The following ALDH3B2 variants were observed in gnomAD, a reference collection of about 807,000 sequenced individuals.
ALDH3B2 encodes aldehyde dehydrogenase family 3 member B2.
A neutral mutation model predicts 36.7 loss-of-function variants in ALDH3B2; 45 were observed. That is an observed-to-expected ratio of 1.23 (90% CI 0.97 to 1.57). The LOEUF (loss-of-function observed/expected upper bound fraction) is 1.57, where lower values mean the gene tolerates loss of function less well. ALDH3B2 is among the 40% of genes most tolerant of loss of function. The pLI is 0.00. For synonymous variants in ALDH3B2, 217 were observed against 226.5 expected, an observed-to-expected ratio of 0.96 and a Z score of 0.38; for missense variants, 464 against 513.3, an observed-to-expected ratio of 0.90 and a Z score of 0.93.
At chr11:67,678,478 A>C (rs1300415517), upstream of ALDH3B2, among the ~76,000 whole-genome samples, 1 of 152,182 alleles carries the variant, frequency 6.6e-6, no homozygotes, top group East Asian at 1.9e-4. Flanking sequence ...CTCAGGATGG[A>C]TTAAGGACTT....
intron 6 of ALDH3B2, 38 bp from the exon 7 acceptor site, chr11:67,665,709 C>G: frequency 6.4e-7 from 1 of 1,574,470 alleles, no homozygotes; most frequent in Non-Finnish European, 8.6e-7. Context: ...CAGTCAGTGA[C>G]CTGGACCAGG....
chr11:67,663,822 G>C, intron 8 of ALDH3B2, 61 bp from the exon 9 acceptor site: 1 of 1,438,650 alleles, frequency 7.0e-7, no homozygotes, highest in Non-Finnish European at 9.6e-7. Context: ...CTTGAGCCCC[G>C]CACATTCCAC....
chr11:67,665,326 A>G (rs1411340679), exon 7 of ALDH3B2: 3 of 1,611,424 alleles, frequency 1.9e-6, no homozygotes, highest in Non-Finnish European at 1.7e-6. Context: ...CCCAATGGCC[A>G]CGCGGCTGCA....
intron 1 of ALDH3B2, among the ~76,000 whole-genome samples, chr11:67,670,369 G>C (rs889651664): frequency 6.6e-6 from 1 of 152,048 alleles, no homozygotes; most frequent in Admixed American, 6.6e-5. Flanking sequence ...TGTGTCGTGT[G>C]TGTGTCTGCG....
chr11:67,663,758 C>T (rs535400854), exon 9 of ALDH3B2: 76 of 1,610,670 alleles, frequency 4.7e-5, no homozygotes, highest in Admixed American at 2.8e-4. Flanking sequence ...ATCTGGTTCA[C>T]AACCTGCCAG....
chr11:67,670,826 G>T (rs1438818790), intron 1 of ALDH3B2, among the ~76,000 whole-genome samples: 1 of 152,218 alleles, frequency 6.6e-6, no homozygotes, highest in Non-Finnish European at 1.5e-5. Context: ...ATGAGGGCCT[G>T]GAGGAGGACG....
upstream of ALDH3B2, among the ~76,000 whole-genome samples, chr11:67,677,385 A>C (rs1007064524): frequency 1.1e-4 from 17 of 152,330 alleles, no homozygotes; most frequent in Admixed American, 1.1e-3. Flanking sequence ...CAGAAAAAGC[A>C]TTTGACAAAA....
intron 1 of ALDH3B2, among the ~76,000 whole-genome samples, chr11:67,672,343 C>T (rs1041979928): frequency 1.8e-4 from 27 of 150,532 alleles, no homozygotes; most frequent in Admixed American, 2.7e-4. Flanking sequence ...GTAGTAGAGA[C>T]GGGGTTTCAC....
chr11:67,663,270 C>T lies in ALDH3B2; in HGVS notation c.1103G>A (p.Trp368Ter), dbSNP rs1216151381. 1.2e-6 allele frequency: 2 copies of T among 1,613,992 alleles called. No individual in the cohort carries two copies. The highest frequency in any genetic ancestry group is 1.7e-6 in the Non-Finnish European group (2 of 1,179,924). The change falls in exon 10 of 10, where the codon TGG (tryptophan) becomes TAG (stop). Residue 368 changes from tryptophan (W) to a stop codon, truncating the protein, a stop_gained. Transcript: ENST00000349015. LOFTEE classifies it low-confidence loss of function (END_TRUNC). ...GCCCCAGCGTAACAGCTGCTGGTTC[C>T]AGTCGGTATAGGGTGGGTAGTGGAT...
At chr11:67,667,040 G>A in intron 2 of ALDH3B2, 24 bp from the exon 3 acceptor site, 5 of 1,466,214 alleles carry the variant, frequency 3.4e-6, no homozygotes, top group Non-Finnish European at 4.8e-6. Flanking sequence ...GGAATTCAGA[G>A]TGGTCAGGCC....
chr11:67,664,330 A>C (rs776459698), intron 8 of ALDH3B2, 66 bp downstream of exon 8: 18 of 1,605,814 alleles, frequency 1.1e-5, no homozygotes, highest in Non-Finnish European at 1.4e-5. Context: ...AGGGCTGTGA[A>C]AGGAAAGGTG....
intron 1 of ALDH3B2, chr11:67,673,739 T>G (rs1856197336): frequency 6.6e-6 from 1 of 152,156 alleles, no homozygotes; most frequent in Non-Finnish European, 1.5e-5. Flanking sequence ...ATTACCCAGT[T>G]GGAAGGACAG....
chr11:67,665,252 C>T, intron 7 of ALDH3B2, 33 bp downstream of exon 7: 1 of 1,569,376 alleles, frequency 6.4e-7, no homozygotes, highest in Non-Finnish European at 8.6e-7. Flanking sequence ...GGGTCTTGGC[C>T]CAGGTGGGCT....
exon 10 of ALDH3B2, chr11:67,662,194 G>T (rs1408753859): frequency 3.3e-5 from 5 of 152,276 alleles, no homozygotes; most frequent in African/African-American, 1.2e-4. Context: ...GGGAGGAGCA[G>T]AGGATTCCTA....
intron 6 of ALDH3B2, 111 bp from the exon 7 acceptor site, chr11:67,665,782 A>T (rs1855891659): frequency 6.8e-7 from 1 of 1,469,100 alleles, no homozygotes; most frequent in Non-Finnish European, 9.1e-7. Context: ...CGGGCTTCCT[A>T]GGGACATGGT....
At chr11:67,665,408 G>A (rs1855872548) in exon 7 of ALDH3B2, 2 of 1,613,980 alleles carry the variant, frequency 1.2e-6, no homozygotes, top group Admixed American at 3.3e-5. Flanking sequence ...GAGCTCTGGG[G>A]GTCGTCGCCA....
chr11:67,680,826 A>G lies in ALDH3B2; in HGVS notation c.-245+350T>C, dbSNP rs77708797. Among the ~76,000 whole-genome samples, 332 of 152,302 alleles carry G rather than the reference A, an allele frequency of 2.2e-3. 7 individuals are homozygous for G. The highest frequency in any genetic ancestry group is 7.7e-3 in the African/African-American group (319 of 41,574). ...GCTAACCTCTCTCATTTGGCACCCC[A>G]CTGGGCCCAATTTGCTTTTTACTGC... On this transcript the variant is annotated intron_variant, in intron 1 of 9. Transcript: ENST00000530069.
At chr11:67,666,143 A>C (rs370435378) in exon 6 of ALDH3B2, 8 of 1,613,928 alleles carry the variant, frequency 5.0e-6, no homozygotes, top group Non-Finnish European at 6.8e-6. Context: ...ATGTAGTCCA[A>C]CTTGTGCTCT....
intron 7 of ALDH3B2, 121 bp downstream of exon 7, chr11:67,665,164 G>A: frequency 6.7e-7 from 1 of 1,487,346 alleles, no homozygotes. Context: ...ATGGCTCAAG[G>A]CCGGGCTCTG....
Sources: gnomAD v4.1 joint callset for allele counts (sites outside exome capture counted in the v4.1 genomes callset) on GRCh38, gnomAD v4.1.1 for gene constraint, MANE v1.5 for transcripts, NCBI Gene and HGNC (gene_info 2026-07-23, HGNC 2026-07-21) for gene names.